Variants in ZNF804B observed in about 807,000 individuals in gnomAD.
The protein encoded by ZNF804B is zinc finger protein 804B.
Under a neutral mutation model 101.4 loss-of-function variants are expected in ZNF804B, and 80 were observed. The ratio of observed to expected loss-of-function variants is 0.79; its 90% CI spans 0.66 to 0.95. ZNF804B has a LOEUF of 0.95. ZNF804B is among the 40% of genes least tolerant of loss of function. The pLI, the probability that ZNF804B is intolerant of heterozygous loss-of-function variation, is 0.00. For synonymous variants in ZNF804B, 622 were observed against 558.8 expected (o/e 1.11, Z -1.59); for missense variants, 1,673 against 1,561.9 (o/e 1.07, Z -1.20).
intron 1 of ZNF804B, among the ~76,000 whole-genome samples, chr7:88,877,028 TATATATATATATATATA>T (rs1791957301): frequency 8.3e-5 from 3 of 36,304 alleles, no homozygotes; most frequent in Non-Finnish European, 1.3e-4. Context: ...ATATATATAA[TATATATATATATATATA>T]TATATTTTTT....
At chr7:89,329,097 T>A (rs184714043) in intron 3 of ZNF804B, among the ~76,000 whole-genome samples, 10 of 151,904 alleles carry the variant, frequency 6.6e-5, no homozygotes, top group Admixed American at 6.6e-4. Context: ...CTATTAAGTT[T>A]CAGCTGTCCC....
At chr7:89,220,054 C>CACACATATATGTGTGTATATACAT (rs1788973099) in intron 2 of ZNF804B, among the ~76,000 whole-genome samples, 1 of 110,240 alleles carries the variant, frequency 9.1e-6, no homozygotes, top group African/African-American at 3.6e-5. Flanking sequence ...TGCATATATA[C>CACACATATATGTGTGTATATACAT]ATATATACGC....
At chr7:89,276,913 T>G (rs1461259486) in intron 2 of ZNF804B, among the ~76,000 whole-genome samples, 2 of 151,690 alleles carry the variant, frequency 1.3e-5, no homozygotes, top group African/African-American at 4.9e-5. Context: ...GTTCACAAGT[T>G]GTTTTTTCCC....
At chr7:89,218,041 A>G (rs1436907341) in intron 1 of ZNF804B, 114 bp from the exon 2 acceptor site, 2 of 1,072,404 alleles carry the variant, frequency 1.9e-6, no homozygotes, top group East Asian at 2.5e-5. Flanking sequence ...GAATTCCCAG[A>G]AAACAATGTG....
intron 1 of ZNF804B, among the ~76,000 whole-genome samples, chr7:88,830,886 A>G (rs946792453): frequency 4.6e-5 from 7 of 151,896 alleles, no homozygotes; most frequent in African/African-American, 1.7e-4. Context: ...TTATTTGTTC[A>G]TGTATTTGCC....
At chr7:88,945,256 A>G (rs1030546611) in intron 1 of ZNF804B, among the ~76,000 whole-genome samples, 5 of 151,848 alleles carry the variant, frequency 3.3e-5, no homozygotes, top group African/African-American at 1.2e-4. Context: ...ATCTTGAGTT[A>G]ATTTTTGTAT....
At chr7:89,048,705 T>C (rs888266350) in intron 1 of ZNF804B, among the ~76,000 whole-genome samples, 7 of 151,958 alleles carry the variant, frequency 4.6e-5, no homozygotes, top group Non-Finnish European at 8.8e-5. Context: ...TTATAGAGAC[T>C]GTTTATATAA....
At chr7:89,265,109 T>C (rs574542454) in intron 2 of ZNF804B, among the ~76,000 whole-genome samples, 2 of 152,216 alleles carry the variant, frequency 1.3e-5, no homozygotes, top group African/African-American at 4.8e-5. Flanking sequence ...CTGCCAAGAG[T>C]ACAAAGTTGA....
At chr7:89,135,521 A>T (rs1790618106) in intron 1 of ZNF804B, among the ~76,000 whole-genome samples, 1 of 151,982 alleles carries the variant, frequency 6.6e-6, no homozygotes, top group Non-Finnish European at 1.5e-5. Context: ...GTTTTAGCTT[A>T]TGTAGCTATT....
At chr7:89,011,079 A>G (rs1346668299) in intron 1 of ZNF804B, among the ~76,000 whole-genome samples, 2 of 152,206 alleles carry the variant, frequency 1.3e-5, no homozygotes, top group Non-Finnish European at 2.9e-5. Context: ...GGCCTCAGGA[A>G]ACTTACAATC....
intron 1 of ZNF804B, among the ~76,000 whole-genome samples, chr7:89,028,746 A>G (rs1430580697): frequency 6.6e-6 from 1 of 152,102 alleles, no homozygotes; most frequent in Non-Finnish European, 1.5e-5. Flanking sequence ...TTTGTTCTTC[A>G]GCTTCCTTAC....
intron 1 of ZNF804B, among the ~76,000 whole-genome samples, chr7:88,766,965 TAA>T (rs1404106431): frequency 2.0e-5 from 3 of 152,232 alleles, no homozygotes; most frequent in Non-Finnish European, 4.4e-5. Flanking sequence ...TGTGTGGGTG[TAA>T]GAGGCAGAAT....
chr7:89,101,182 T>A (rs1790049710), intron 1 of ZNF804B, among the ~76,000 whole-genome samples: 2 of 152,054 alleles, frequency 1.3e-5, no homozygotes, highest in South Asian at 4.1e-4. Flanking sequence ...ATGGGCACTA[T>A]GGCAAAACTC....
chr7:89,130,395 G>A (rs1260392975), intron 1 of ZNF804B, among the ~76,000 whole-genome samples: 1 of 151,896 alleles, frequency 6.6e-6, no homozygotes, highest in Admixed American at 6.6e-5. Context: ...ATAGTTATAT[G>A]GAAGATGACC....
intron 1 of ZNF804B, among the ~76,000 whole-genome samples, chr7:89,141,675 A>G (rs572359221): frequency 6.6e-6 from 1 of 152,090 alleles, no homozygotes; most frequent in South Asian, 2.1e-4. Flanking sequence ...TTATATTCCT[A>G]CCAGCAATGT....
chr7:88,871,271 T>C (rs1791819270), intron 1 of ZNF804B, among the ~76,000 whole-genome samples: 1 of 152,076 alleles, frequency 6.6e-6, no homozygotes, highest in African/African-American at 2.4e-5. Context: ...AGCTACTCTA[T>C]CTATTAGGGA....
At chr7:89,048,988 CAAGG>C (rs1473278822) in intron 1 of ZNF804B, among the ~76,000 whole-genome samples, 1 of 151,920 alleles carries the variant, frequency 6.6e-6, no homozygotes, top group Non-Finnish European at 1.5e-5. Flanking sequence ...TATTTGCTGA[CAAGG>C]AAGAAACACA....
At chr7:89,320,498 A>G (rs919845147) in intron 2 of ZNF804B, among the ~76,000 whole-genome samples, 1 of 152,138 alleles carries the variant, frequency 6.6e-6, no homozygotes, top group African/African-American at 2.4e-5. Context: ...AACAGTGCCA[A>G]ATAACTGTAA....
At chr7:89,232,279 C>T (rs1183904721) in intron 2 of ZNF804B, among the ~76,000 whole-genome samples, 1 of 152,092 alleles carries the variant, frequency 6.6e-6, no homozygotes, top group African/African-American at 2.4e-5. Context: ...TGGAGTAAAT[C>T]TCACTCATGG....
Sources: allele counts gnomAD v4.1 joint callset (sites outside exome capture counted in the v4.1 genomes callset), GRCh38; gene constraint gnomAD v4.1.1; transcripts MANE v1.5; gene names NCBI Gene and HGNC (gene_info 2026-07-23, HGNC 2026-07-21).